The following LMO7 variants were observed in gnomAD, a reference collection of about 807,000 sequenced individuals.
LMO7 encodes LIM domain 7.
Under a neutral mutation model 206.5 loss-of-function variants are expected in LMO7, and 120 were observed. That is an observed-to-expected ratio of 0.58 (90% confidence interval 0.50 to 0.68). The LOEUF is 0.68. LMO7 is among the 30% of genes least tolerant of loss of function. The probability of loss-of-function intolerance (pLI) is 0.00; values close to 1 mark genes in which losing one functional copy is unlikely to be tolerated. For missense variants in LMO7, 1,959 were observed against 1,957.9 expected (o/e 1.00, Z -0.01); for synonymous variants, 706 against 681.5 (o/e 1.04, Z -0.56).
chr13:75,636,513 A>G lies in LMO7; in HGVS notation c.-145A>G. On this transcript the variant is annotated 5_prime_UTR_variant, in exon 1 of 31. Transcript: ENST00000377534. ...ACTGCAGAGCGCAACAAAGGGAACTAGAGCCCCGGCGCCTTCGCAGCCGGA... is the reference window on the plus strand; with the variant it reads ...ACTGCAGAGCGCAACAAAGGGAACTGGAGCCCCGGCGCCTTCGCAGCCGGA... 1.3e-6 allele frequency: 2 copies of G among 1,506,322 alleles called. No individual in the cohort carries two copies. The highest frequency in any genetic ancestry group is 1.8e-6 in the Non-Finnish European group (2 of 1,136,094). The allele number at this position is 1,506,322 out of a possible 1,614,324, so 93.3% of individuals were successfully genotyped here. A position where few individuals can be genotyped will look rare whatever the true frequency, so the allele number is the denominator to read the frequency against.
chr13:75,636,591 A>C lies in LMO7; in HGVS notation c.-67A>C. On this transcript the variant is annotated 5_prime_UTR_variant, in exon 1 of 31. Coordinates refer to ENST00000377534, the MANE Select transcript of LMO7 (RefSeq NM_001306080.2). ...CGTGCCCTCCCCGCCCGTGGGGCCC[A>C]GACGCGCGGGGACAACCCCTCCCCT... is the stretch of plus-strand genomic sequence containing the variant. 1.3e-6 allele frequency: 2 copies of C among 1,542,012 alleles called. No homozygotes were observed. Among genetic ancestry groups the C allele is most frequent in the Non-Finnish European group, 1.7e-6 (2 of 1,146,510 alleles).
chr13:75,850,839 GA>G, intron 27 of LMO7, among the ~76,000 whole-genome samples: 1 of 151,718 alleles, frequency 6.6e-6, no homozygotes, highest in Admixed American at 6.6e-5. Context: ...TTGAAAATGT[GA>G]AAAAAGTCTC....
Position 75,827,150 on chromosome 13 carries a change from C to T in LMO7, c.2949+3277C>T, listed in dbSNP as rs149644698. Among the ~76,000 whole-genome samples the T allele has an allele frequency of 2.3e-3, 355 of 152,296 alleles. 1 individual carries two copies. Among genetic ancestry groups the T allele is most frequent in the African/African-American group, 7.0e-3 (290 of 41,572 alleles). ...CACTGATATTCTTTGTACATTCTTA[C>T]ACATAATTGACACTTAAGTTTTACG... On this transcript the variant is annotated intron_variant, in intron 15 of 30. Transcript: ENST00000377534.
At chr13:75,648,663 A>C (rs1363519502) in intron 1 of LMO7, among the ~76,000 whole-genome samples, 1 of 152,242 alleles carries the variant, frequency 6.6e-6, no homozygotes, top group Non-Finnish European at 1.5e-5. Flanking sequence ...GTGTAAGTAG[A>C]TACTATTAAA....
chr13:75,796,694 G>A lies in LMO7; in HGVS notation c.407G>A (p.Gly136Asp), dbSNP rs1320056909. The change falls in exon 6 of 31, where the codon GGT (glycine) becomes GAT (aspartate). Residue 136 changes from glycine to aspartate, a missense_variant. Transcript: ENST00000377534. ...GCACAAAGCAACCCGTACTATAATG[G>A]TCCCCATCTTAATTTGAAAGCGTTT... ...RKAQSNPYYN[G>D]PHLNLKAFEN... is the part of the protein sequence containing the mutation. The A allele has an allele frequency of 5.0e-6, 8 of 1,613,590 alleles. No individual in the cohort carries two copies. The highest frequency in any genetic ancestry group is 6.8e-6 in the Non-Finnish European group (8 of 1,179,794).
intron 1 of LMO7, among the ~76,000 whole-genome samples, chr13:75,690,110 T>A (rs2041338908): frequency 6.6e-6 from 1 of 151,942 alleles, no homozygotes; most frequent in Non-Finnish European, 1.5e-5. Context: ...ATTTTTATTT[T>A]ACTTTTAGAG....
At chr13:75,800,550 G>T in intron 6 of LMO7, 134 bp from the exon 7 acceptor site, 1 of 747,916 alleles carries the variant, frequency 1.3e-6, no homozygotes, top group Non-Finnish European at 2.2e-6. Context: ...TGCTGTGTCC[G>T]ACAGAGAAAC....
intron 4 of LMO7, among the ~76,000 whole-genome samples, chr13:75,766,774 G>T (rs2048954041): frequency 6.6e-6 from 1 of 151,978 alleles, no homozygotes; most frequent in African/African-American, 2.4e-5. Context: ...TTGAGGACAG[G>T]AAGTATGTAT....
chr13:75,782,220 A>G lies in LMO7; in HGVS notation c.318-13181A>G, dbSNP rs1185015598. On this transcript the variant is annotated intron_variant, in intron 4 of 30. Transcript: ENST00000377534. Reference sequence around the variant, plus strand: ...TGGTAACAAAATTCAGCTGTGAACTATGAGCTTCACTGTCATAAACTGTTG... The same window carrying G: ...TGGTAACAAAATTCAGCTGTGAACTGTGAGCTTCACTGTCATAAACTGTTG... 3.3e-5 allele frequency among the ~76,000 whole-genome samples: 5 copies of G among 152,248 alleles called. No individual in the cohort carries two copies. In the South Asian group the frequency reaches 6.2e-4, roughly 19 times the overall value.
rs1250855415 is a variant in LMO7, at chr13:75,755,917, G to A, written c.211-5015G>A. Among the ~76,000 whole-genome samples, 5 of 152,142 alleles carry A rather than the reference G, an allele frequency of 3.3e-5. No homozygotes were observed. The East Asian group carries it at 9.6e-4, about 29-fold the overall frequency. On this transcript the variant is annotated intron_variant, in intron 3 of 30. Transcript: ENST00000377534. The stretch of plus-strand genomic sequence containing the variant: ...TTGTGGATTATAGTAAAATGTGAGA[G>A]GAGAAAGTGAAGAATAGAGTGACAA...
intron 4 of LMO7, among the ~76,000 whole-genome samples, chr13:75,771,681 C>T (rs537804273): frequency 1.0e-5 from 1 of 96,364 alleles, no homozygotes; most frequent in Non-Finnish European, 2.2e-5. Context: ...CTGTGTCTCT[C>T]TCCTCCAAAC....
At chr13:75,707,741 T>C (rs1291154905) in intron 1 of LMO7, among the ~76,000 whole-genome samples, 1 of 152,118 alleles carries the variant, frequency 6.6e-6, no homozygotes. Flanking sequence ...AGTTTTTATA[T>C]TGTCTTTTTT....
chr13:75,740,403 A>G (rs2046318941), intron 3 of LMO7, among the ~76,000 whole-genome samples: 2 of 152,240 alleles, frequency 1.3e-5, no homozygotes, highest in South Asian at 4.1e-4. Context: ...ACAATGAGCT[A>G]TGATTGCATC....
intron 15 of LMO7, among the ~76,000 whole-genome samples, chr13:75,828,913 G>A (rs1227133638): frequency 2.6e-5 from 4 of 152,070 alleles, no homozygotes; most frequent in Non-Finnish European, 5.9e-5. Context: ...TGTGGCATTC[G>A]AGTGGGGAAC....
intron 1 of LMO7, among the ~76,000 whole-genome samples, chr13:75,672,709 C>G (rs2039691768): frequency 6.6e-6 from 1 of 152,168 alleles, no homozygotes; most frequent in Admixed American, 6.5e-5. Context: ...CTCCCATCAG[C>G]CTCACATGAA....
intron 3 of LMO7, among the ~76,000 whole-genome samples, chr13:75,731,274 G>T (rs2045182955): frequency 6.6e-6 from 1 of 152,150 alleles, no homozygotes. Context: ...AAGTCTCTTT[G>T]TTGGTCACTC....
intron 3 of LMO7, among the ~76,000 whole-genome samples, chr13:75,732,760 G>T (rs531677963): frequency 6.6e-6 from 1 of 152,072 alleles, no homozygotes; most frequent in Non-Finnish European, 1.5e-5. Context: ...GGTTTTGTCG[G>T]CTTTTGGTCT....
intron 4 of LMO7, among the ~76,000 whole-genome samples, chr13:75,764,899 ATAACTT>A (rs776791730): frequency 1.2e-4 from 19 of 152,296 alleles, no homozygotes; most frequent in Non-Finnish European, 2.2e-4. Flanking sequence ...AGTATAAAGT[ATAACTT>A]TAAGTAAACA....
At chr13:75,843,370 G>A (rs1324257713) in intron 25 of LMO7, among the ~76,000 whole-genome samples, 1 of 152,150 alleles carries the variant, frequency 6.6e-6, no homozygotes, top group Non-Finnish European at 1.5e-5. Flanking sequence ...TGAGGTTTAA[G>A]TTGTCTAAAG....
Sources: gnomAD v4.1 joint callset for allele counts (sites outside exome capture counted in the v4.1 genomes callset) on GRCh38, gnomAD v4.1.1 for gene constraint, MANE v1.5 for transcripts, NCBI Gene and HGNC (gene_info 2026-07-23, HGNC 2026-07-21) for gene names.